The following MRC1 variants were observed in gnomAD, a reference collection of about 807,000 sequenced individuals.
The protein encoded by MRC1 is macrophage mannose receptor 1.
A neutral mutation model predicts 102.9 loss-of-function variants in MRC1; 62 were observed. The observed-to-expected ratio is 0.60, with a 90% CI of 0.49 to 0.74. MRC1 has a LOEUF of 0.74. Ranked by LOEUF, MRC1 falls within the 30% of genes least tolerant of loss-of-function variation. The pLI, the probability that MRC1 is intolerant of heterozygous loss-of-function variation, is 0.00. For missense variants in MRC1, 1,237 were observed against 862.8 expected (o/e 1.43, Z -5.43); for synonymous variants, 457 against 298.4 (o/e 1.53, Z -5.48).
intron 22 of MRC1, among the ~76,000 whole-genome samples, chr10:17,886,778 G>A (rs1048686706): frequency 4.6e-5 from 7 of 152,136 alleles, no homozygotes; most frequent in Non-Finnish European, 7.3e-5. Context: ...CATGTTAGAT[G>A]GTCAAGGTGG....
intron 15 of MRC1, among the ~76,000 whole-genome samples, chr10:17,872,869 A>T: frequency 6.6e-6 from 1 of 152,212 alleles, no homozygotes; most frequent in African/African-American, 2.4e-5. Context: ...TTGCAAATGG[A>T]TAAATGGAAC....
chr10:17,825,478 C>T (rs1463231836), intron 2 of MRC1, among the ~76,000 whole-genome samples: 2 of 152,096 alleles, frequency 1.3e-5, no homozygotes, highest in Admixed American at 6.5e-5. Context: ...TGGTGGCTCA[C>T]GCCTGTAATC....
At position 17,823,533 on chromosome 10, in the gene MRC1, A is replaced by G. The variant is rs1205145264; in HGVS notation, c.463+58A>G. ...AAATTTTCTCGTCTTCTTAGTTGGA[A>G]CCTGATTCAAGAAAATCATCATGTT... On this transcript the variant is annotated intron_variant, in intron 2 of 29. Coordinates refer to ENST00000569591, the MANE Select transcript of MRC1 (RefSeq NM_002438.4). The G allele has an allele frequency of 5.1e-6, 4 of 777,194 alleles. No homozygotes were observed. In the African/African-American group the frequency reaches 6.8e-5, roughly 13 times the overall value. The allele number at this position is 777,194 out of a possible 1,614,324, so 48.1% of individuals were successfully genotyped here. A position where few individuals can be genotyped will look rare whatever the true frequency, so the allele number is the denominator to read the frequency against.
chr10:17,844,903 T>C lies in MRC1; in HGVS notation c.917-386T>C, dbSNP rs563776185. On this transcript the variant is annotated intron_variant, in intron 5 of 29. Coordinates refer to ENST00000569591, the MANE Select transcript of MRC1 (RefSeq NM_002438.4). ...TGCATCCATGTTGCTGCAAAGGACA[T>C]GATGATTTCATTTTTTTTTATGGCG... Among the ~76,000 whole-genome samples, 168 of 152,334 alleles carry C rather than the reference T, an allele frequency of 1.1e-3. 1 individual carries two copies. The highest frequency in any genetic ancestry group is 3.8e-3 in the African/African-American group (156 of 41,550).
chr10:17,856,421 A>G, intron 9 of MRC1, 69 bp downstream of exon 9: 1 of 801,592 alleles, frequency 1.2e-6, no homozygotes, highest in African/African-American at 1.7e-5. Context: ...CTTTATTTTT[A>G]TGTGTGAAAG....
intron 7 of MRC1, among the ~76,000 whole-genome samples, chr10:17,849,985 T>C (rs1838889389): frequency 6.6e-6 from 1 of 152,208 alleles, no homozygotes; most frequent in Non-Finnish European, 1.5e-5. Context: ...ATTCAATTTC[T>C]TTTTCTTTTA....
intron 22 of MRC1, among the ~76,000 whole-genome samples, chr10:17,888,629 G>C (rs1331922288): frequency 6.6e-6 from 1 of 152,078 alleles, no homozygotes; most frequent in Admixed American, 6.6e-5. Context: ...TTAGAGAATA[G>C]TTTATGTGTT....
chr10:17,862,954 A>G (rs1035013848), intron 10 of MRC1: 1 of 152,958 alleles, frequency 6.5e-6, no homozygotes, highest in Non-Finnish European at 1.5e-5. Context: ...AAGGGAGAGA[A>G]AGTGTTGGAA....
At chr10:17,899,783 G>A (rs1425722394) in intron 24 of MRC1, among the ~76,000 whole-genome samples, 2 of 152,008 alleles carry the variant, frequency 1.3e-5, no homozygotes, top group African/African-American at 2.4e-5. Context: ...TCATAAATTT[G>A]TTTCACTAAA....
chr10:17,873,657 G>T (rs1833386304), intron 15 of MRC1, 127 bp from the exon 16 acceptor site: 3 of 743,100 alleles, frequency 4.0e-6, no homozygotes, highest in Non-Finnish European at 5.0e-6. Flanking sequence ...GAGAAAGAAA[G>T]GGAAGGGAAA....
At position 17,823,310 on chromosome 10, in the gene MRC1, T is replaced by C; in HGVS notation, c.298T>C (p.Trp100Arg). Residue 100 changes from tryptophan (W) to arginine (R), a missense_variant, in exon 2 of 30, where the codon TGG becomes CGG. Physicochemically the swap from Trp to Arg is moderately radical, Grantham distance 101. Transcript: ENST00000569591. ...TGACTCAAAAAGTGAATTTCAGAAA[T>C]GGGAGTGCAAAAATGACACACTTTT... is the stretch of plus-strand genomic sequence containing the variant. The part of the protein sequence containing the change: ...ACDSKSEFQK[W>R]ECKNDTLLGI... 1 of 780,852 alleles carries C rather than the reference T, an allele frequency of 1.3e-6. No homozygotes were observed. The highest frequency in any genetic ancestry group is 2.4e-6 in the Non-Finnish European group (1 of 417,956). The allele number at this position is 780,852 out of a possible 1,614,324, so 48.4% of individuals were successfully genotyped here.
chr10:17,864,852 A>G (rs1259571558), intron 11 of MRC1, among the ~76,000 whole-genome samples: 1 of 145,576 alleles, frequency 6.9e-6, no homozygotes, highest in Non-Finnish European at 1.5e-5. Flanking sequence ...AAAAAAAAGC[A>G]GTGGAAACTG....
intron 22 of MRC1, among the ~76,000 whole-genome samples, chr10:17,888,707 T>C (rs1833634326): frequency 6.6e-6 from 1 of 152,220 alleles, no homozygotes; most frequent in South Asian, 2.1e-4. Context: ...GGTGAATGTT[T>C]CATGTGATCT....
At chr10:17,843,269 G>A (rs930261408) in intron 5 of MRC1, among the ~76,000 whole-genome samples, 22 of 152,132 alleles carry the variant, frequency 1.4e-4, no homozygotes, top group African/African-American at 5.3e-4. Flanking sequence ...TACCTTATCT[G>A]TTAGTTCAGT....
At chr10:17,891,426 G>C (rs1324257037) in intron 22 of MRC1, among the ~76,000 whole-genome samples, 1 of 151,976 alleles carries the variant, frequency 6.6e-6, no homozygotes, top group Non-Finnish European at 1.5e-5. Flanking sequence ...TCGGCCTCCC[G>C]AAGTGCTGGG....
chr10:17,863,274 G>A (rs1833211437), intron 10 of MRC1, among the ~76,000 whole-genome samples: 2 of 152,190 alleles, frequency 1.3e-5, no homozygotes, highest in Admixed American at 6.5e-5. Context: ...AGGGGCTGGT[G>A]AGGGCTAGAG....
At position 17,904,803 on chromosome 10, in the gene MRC1, G is replaced by A. The variant is rs935686700; in HGVS notation, c.3800-2083G>A. 3.2e-3 allele frequency among the ~76,000 whole-genome samples: 483 copies of A among 152,292 alleles called. 1 individual carries two copies. The highest frequency in any genetic ancestry group is 0.011 in the African/African-American group (463 of 41,568). Reference sequence around the variant, plus strand: ...CAGACATGCACATAGCCTTGGGCAAGGGCACACTTCAATGCATATCTGTAG... The same window carrying A: ...CAGACATGCACATAGCCTTGGGCAAAGGCACACTTCAATGCATATCTGTAG... On this transcript the variant is annotated intron_variant, in intron 26 of 29. Coordinates refer to ENST00000569591, the MANE Select transcript of MRC1 (RefSeq NM_002438.4).
chr10:17,829,165 G>A (rs1436459422), intron 3 of MRC1, among the ~76,000 whole-genome samples: 1 of 151,478 alleles, frequency 6.6e-6, no homozygotes, highest in Non-Finnish European at 1.5e-5. Context: ...GACACCACCT[G>A]AGTAACAATA....
chr10:17,821,107 G>A (rs1239945382), intron 1 of MRC1, among the ~76,000 whole-genome samples: 1 of 152,100 alleles, frequency 6.6e-6, no homozygotes, highest in Non-Finnish European at 1.5e-5. Context: ...TCTGGATCCA[G>A]GCTTTACTGA....
Sources: gnomAD v4.1 joint callset for allele counts (sites outside exome capture counted in the v4.1 genomes callset) on GRCh38, gnomAD v4.1.1 for gene constraint, MANE v1.5 for transcripts, NCBI Gene and HGNC (gene_info 2026-07-23, HGNC 2026-07-21) for gene names.